GALNTL6: variants seen among roughly 807,000 people sequenced by gnomAD.
The protein encoded by GALNTL6 is polypeptide N-acetylgalactosaminyltransferase-like 6.
Under a neutral mutation model 73.7 loss-of-function variants are expected in GALNTL6, and 46 were observed. That is an observed-to-expected ratio of 0.62 (90% CI 0.49 to 0.80). GALNTL6 has a LOEUF of 0.80. Among genes scored for constraint, GALNTL6 ranks in the 30% least tolerant of loss-of-function variants. The pLI, the probability that GALNTL6 is intolerant of heterozygous loss-of-function variation, is 0.00. For missense variants in GALNTL6, 604 were observed against 755.0 expected, an observed-to-expected ratio of 0.80 and a Z score of 2.34; for synonymous variants, 259 against 263.7, an observed-to-expected ratio of 0.98 and a Z score of 0.17.
chr4:172,959,371 C>A (rs12644630), intron 10 of GALNTL6, among the ~76,000 whole-genome samples: 15,107 of 151,718 alleles, frequency 0.1, 925 homozygotes, highest in Non-Finnish European at 0.15. Context: ...GTGGGGATAA[C>A]TAAAATGAGT....
At chr4:172,249,608 C>T (rs180708265) in intron 3 of GALNTL6, among the ~76,000 whole-genome samples, 5 of 152,098 alleles carry the variant, frequency 3.3e-5, no homozygotes, top group African/African-American at 7.2e-5. Flanking sequence ...AGGCTCAGGG[C>T]CCCCCTGCTC....
intron 2 of GALNTL6, among the ~76,000 whole-genome samples, chr4:171,987,983 G>A (rs191379019): frequency 0.01 from 1,581 of 152,236 alleles, 27 homozygotes; most frequent in African/African-American, 0.034. Context: ...TGAAGGAGCC[G>A]GGGAGCAGAA....
Position 172,862,475 on chromosome 4 carries a change from G to A in GALNTL6, c.924-20315G>A, listed in dbSNP as rs572941619. Among the ~76,000 whole-genome samples, 147 of 152,290 alleles carry A rather than the reference G, an allele frequency of 9.7e-4. 2 individuals carry two copies. The highest frequency in any genetic ancestry group is 3.5e-3 in the African/African-American group (144 of 41,570). ...AACCCTTGGGAGGCCAAGATGGGTGGATTACAAGGTCAGGAGTTCAAGACC... is the reference window on the plus strand; with the variant it reads ...AACCCTTGGGAGGCCAAGATGGGTGAATTACAAGGTCAGGAGTTCAAGACC... On this transcript the variant is annotated intron_variant, in intron 7 of 12. Transcript: ENST00000506823.
In GALNTL6 at chr4:172,643,960, T is replaced by C. The variant is rs192514570; in HGVS notation, c.554-165401T>C. On this transcript the variant is annotated intron_variant, in intron 5 of 12. Transcript: ENST00000506823. ...TATGCTTATGTTCAATCTTAGTAAA[T>C]ATTACCAAATGGTTTCCCAAACTGG... 6.6e-5 allele frequency among the ~76,000 whole-genome samples: 10 copies of C among 152,032 alleles called. No homozygotes were observed. The East Asian group carries it at 1.9e-3, about 29-fold the overall frequency.
At position 172,559,058 on chromosome 4, in the gene GALNTL6, ATTTTTTTTTTT is replaced by A. The variant is rs71592081; in HGVS notation, c.553+210385_553+210395del. Reference sequence around the variant, plus strand: ...GTAAGGATGATGATAATGATAATGGATTTTTTTTTTTTTTTTTTTTTTTTTTGAGACAGAGT... The same window carrying A: ...GTAAGGATGATGATAATGATAATGGATTTTTTTTTTTTTTTGAGACAGAGT... On this transcript the variant is annotated intron_variant, in intron 5 of 12. Transcript: ENST00000506823. Among the ~76,000 whole-genome samples the A allele has an allele frequency of 3.7e-4, 29 of 77,384 alleles. 1 individual carries two copies. The highest frequency in any genetic ancestry group is 1.6e-3 in the African/African-American group (29 of 18,696). 50.8% of individuals were successfully genotyped at this position (77,384 alleles called of 152,430 possible).
chr4:172,997,640 G>C (rs556845336), intron 10 of GALNTL6, among the ~76,000 whole-genome samples: 2 of 152,300 alleles, frequency 1.3e-5, no homozygotes, highest in African/African-American at 4.8e-5. Context: ...TGGGAAGGGT[G>C]AGTGGGGGCA....
intron 5 of GALNTL6, among the ~76,000 whole-genome samples, chr4:172,463,054 A>G (rs553513618): frequency 6.6e-6 from 1 of 152,292 alleles, no homozygotes; most frequent in Non-Finnish European, 1.5e-5. Context: ...CTAAAACCTG[A>G]TTTGGTTACC....
At chr4:172,808,923 C>T (rs1295969160) in intron 5 of GALNTL6, among the ~76,000 whole-genome samples, 2 of 152,158 alleles carry the variant, frequency 1.3e-5, no homozygotes, top group Non-Finnish European at 2.9e-5. Context: ...ATTTATCTTT[C>T]CTGTTGTTTT....
intron 5 of GALNTL6, among the ~76,000 whole-genome samples, chr4:172,437,794 C>G (rs751248103): frequency 6.6e-6 from 1 of 152,084 alleles, no homozygotes; most frequent in Non-Finnish European, 1.5e-5. Context: ...TTAGTGGCAT[C>G]TTGTAGTACC....
intron 5 of GALNTL6, among the ~76,000 whole-genome samples, chr4:172,608,869 A>G (rs1738410885): frequency 6.6e-6 from 1 of 151,858 alleles, no homozygotes; most frequent in South Asian, 2.1e-4. Context: ...ATTCCTACAT[A>G]TTTTATTTTT....
chr4:172,110,854 A>T (rs1046035562), intron 2 of GALNTL6, among the ~76,000 whole-genome samples: 6 of 152,138 alleles, frequency 3.9e-5, no homozygotes, highest in African/African-American at 1.4e-4. Context: ...ACTGCTGTTC[A>T]TTATGAAGCA....
intron 2 of GALNTL6, among the ~76,000 whole-genome samples, chr4:171,896,377 G>A (rs187530364): frequency 6.6e-6 from 1 of 152,180 alleles, no homozygotes; most frequent in African/African-American, 2.4e-5. Flanking sequence ...GGAATAAATT[G>A]ACCTACATGG....
At chr4:172,778,227 C>T (rs1163042464) in intron 5 of GALNTL6, among the ~76,000 whole-genome samples, 2 of 152,228 alleles carry the variant, frequency 1.3e-5, no homozygotes, top group Non-Finnish European at 2.9e-5. Context: ...TTGTGAGTCA[C>T]TCACACAGTT....
At chr4:172,855,018 A>AAAAGTGACTGATGCC (rs1288353965) in intron 7 of GALNTL6, among the ~76,000 whole-genome samples, 2 of 152,192 alleles carry the variant, frequency 1.3e-5, no homozygotes, top group African/African-American at 4.8e-5. Flanking sequence ...CATTTTTACA[A>AAAAGTGACTGATGCC]AAAGTGACTG....
intron 5 of GALNTL6, among the ~76,000 whole-genome samples, chr4:172,422,123 T>C (rs1731072894): frequency 6.6e-6 from 1 of 152,164 alleles, no homozygotes; most frequent in Non-Finnish European, 1.5e-5. Flanking sequence ...AACAACCTCA[T>C]AGAATGATGA....
intron 2 of GALNTL6, among the ~76,000 whole-genome samples, chr4:172,177,046 C>G (rs1432723167): frequency 2.0e-5 from 3 of 152,020 alleles, no homozygotes; most frequent in Non-Finnish European, 2.9e-5. Flanking sequence ...TCCAGACACC[C>G]CAGGTTAGAA....
intron 3 of GALNTL6, among the ~76,000 whole-genome samples, chr4:172,304,663 G>A (rs570954939): frequency 2.0e-5 from 3 of 152,248 alleles, no homozygotes; most frequent in East Asian, 3.9e-4. Context: ...ACTTTAAAGT[G>A]TCACTAGCAG....
intron 2 of GALNTL6, among the ~76,000 whole-genome samples, chr4:172,025,050 C>T (rs934677871): frequency 6.6e-6 from 1 of 151,938 alleles, no homozygotes; most frequent in Admixed American, 6.6e-5. Flanking sequence ...AGGTGACCCT[C>T]AATGCTTCAC....
chr4:172,964,073 C>T (rs976414412), intron 10 of GALNTL6, among the ~76,000 whole-genome samples: 4 of 152,072 alleles, frequency 2.6e-5, no homozygotes, highest in Non-Finnish European at 5.9e-5. Flanking sequence ...ATTGAACAGC[C>T]CTCAGTGCTG....
Sources: allele counts gnomAD v4.1 joint callset (sites outside exome capture counted in the v4.1 genomes callset), GRCh38; gene constraint gnomAD v4.1.1; transcripts MANE v1.5; gene names NCBI Gene and HGNC (gene_info 2026-07-23, HGNC 2026-07-21).